The following THEMIS variants were observed in gnomAD, a reference collection of about 807,000 sequenced individuals.
THEMIS encodes protein THEMIS.
In THEMIS, 37 loss-of-function variants were observed where a neutral mutation model predicts 52.6. The observed-to-expected ratio is 0.70, with a 90% CI of 0.54 to 0.93. The LOEUF (loss-of-function observed/expected upper bound fraction) is 0.93, where lower values mean the gene tolerates loss of function less well. Among genes scored for constraint, THEMIS ranks in the 40% least tolerant of loss-of-function variants. THEMIS has a pLI of 0.00. For missense variants in THEMIS, 808 were observed against 763.1 expected, an observed-to-expected ratio of 1.06 and a Z score of -0.69; for synonymous variants, 292 against 272.7, an observed-to-expected ratio of 1.07 and a Z score of -0.70.
intron 4 of THEMIS, among the ~76,000 whole-genome samples, chr6:127,725,871 G>T (rs1774527652): frequency 6.6e-6 from 1 of 152,106 alleles, no homozygotes; most frequent in East Asian, 1.9e-4. Flanking sequence ...GCTCAAGCCT[G>T]TGTTTGGCAG....
intron 3 of THEMIS, among the ~76,000 whole-genome samples, chr6:127,818,649 G>C (rs1467686269): frequency 6.7e-6 from 1 of 148,956 alleles, no homozygotes. Flanking sequence ...GACAAATCAA[G>C]CATCAAAGCC....
intron 5 of THEMIS, among the ~76,000 whole-genome samples, chr6:127,718,667 G>GCA (rs965025915): frequency 6.6e-6 from 1 of 151,910 alleles, no homozygotes; most frequent in African/African-American, 2.4e-5. Flanking sequence ...AATTTTCACT[G>GCA]CAGTGGTTGT....
At chr6:127,902,008 G>A (rs1017433987), upstream of THEMIS, among the ~76,000 whole-genome samples, 8 of 151,944 alleles carry the variant, frequency 5.3e-5, no homozygotes, top group Non-Finnish European at 1.0e-4. Context: ...TAGTTCCTAA[G>A]TCTCTTTAAG....
At chr6:127,875,786 G>C (rs1780296384) in intron 1 of THEMIS, among the ~76,000 whole-genome samples, 1 of 152,180 alleles carries the variant, frequency 6.6e-6, no homozygotes, top group South Asian at 2.1e-4. Flanking sequence ...GACTGTTTCA[G>C]AGCTTTGGTA....
intron 4 of THEMIS, among the ~76,000 whole-genome samples, chr6:127,722,367 C>T (rs561928621): frequency 6.6e-6 from 1 of 151,916 alleles, no homozygotes; most frequent in South Asian, 2.1e-4. Flanking sequence ...CACATTATAC[C>T]CTGGCATCTC....
the THEMIS span, among the ~76,000 whole-genome samples, chr6:127,703,032 T>C: frequency 1.5e-5 from 2 of 135,708 alleles, no homozygotes; most frequent in African/African-American, 5.5e-5. Context: ...ACCTTTAGAA[T>C]GAGTTTTTTT....
the THEMIS span, among the ~76,000 whole-genome samples, chr6:127,698,480 G>A: frequency 1.3e-5 from 2 of 152,064 alleles, no homozygotes; most frequent in African/African-American, 4.8e-5. Flanking sequence ...TGTTTCAGAG[G>A]CCATATTAAA....
At chr6:127,903,012 C>T (rs566951513), upstream of THEMIS, among the ~76,000 whole-genome samples, 47 of 152,022 alleles carry the variant, frequency 3.1e-4, 1 homozygote, top group African/African-American at 4.1e-4. Flanking sequence ...TCTGCTCTCG[C>T]GACAGATGAC....
At chr6:127,781,807 C>T (rs1776753276) in intron 4 of THEMIS, among the ~76,000 whole-genome samples, 1 of 152,102 alleles carries the variant, frequency 6.6e-6, no homozygotes, top group African/African-American at 2.4e-5. Flanking sequence ...CCAGCTGGAG[C>T]TCTCCTGTAT....
At chr6:127,836,985 G>C (rs1778893221) in intron 2 of THEMIS, among the ~76,000 whole-genome samples, 2 of 152,164 alleles carry the variant, frequency 1.3e-5, no homozygotes, top group South Asian at 4.1e-4. Flanking sequence ...GACCCAGACA[G>C]TCACTTCCAG....
intron 4 of THEMIS, among the ~76,000 whole-genome samples, chr6:127,810,616 C>G (rs1289317600): frequency 2.6e-5 from 4 of 152,110 alleles, no homozygotes; most frequent in African/African-American, 7.2e-5. Context: ...GACTTTCCAG[C>G]CTCCAGAGCT....
At chr6:127,898,867 A>T (rs1170573140) in intron 1 of THEMIS, among the ~76,000 whole-genome samples, 1 of 151,928 alleles carries the variant, frequency 6.6e-6, no homozygotes, top group Non-Finnish European at 1.5e-5. Context: ...TAAGCCAGGC[A>T]CAGAAAGACA....
In THEMIS at chr6:127,813,091, C is replaced by G; in HGVS notation, c.1550G>C (p.Ser517Thr). Residue 517 changes from serine (S) to threonine (T), a missense_variant, in exon 4 of 6, where the codon AGT (serine) becomes ACT (threonine). Transcript: ENST00000368248. ...GRLNMTVQLV[S>T]NFSRDAEPFL... is the part of the protein sequence containing the mutation. Reference sequence around the variant, plus strand: ...TGGTTCTGCATCCCTAGAGAAATTACTAACTAACTGAACAGTCATATTCAA... The same window carrying G: ...TGGTTCTGCATCCCTAGAGAAATTAGTAACTAACTGAACAGTCATATTCAA... The G allele has an allele frequency of 1.9e-6, 3 of 1,614,044 alleles. No homozygotes were observed. Among genetic ancestry groups the G allele is most frequent in the Non-Finnish European group, 2.5e-6 (3 of 1,179,976 alleles).
At chr6:127,741,736 G>A (rs1318916227) in intron 4 of THEMIS, among the ~76,000 whole-genome samples, 1 of 152,184 alleles carries the variant, frequency 6.6e-6, no homozygotes, top group African/African-American at 2.4e-5. Context: ...CAATATAAGA[G>A]TAACAGCTAC....
chr6:127,841,385 G>T (rs1402017785), intron 2 of THEMIS, among the ~76,000 whole-genome samples: 1 of 151,966 alleles, frequency 6.6e-6, no homozygotes, highest in African/African-American at 2.4e-5. Flanking sequence ...TTCCCTGCTG[G>T]TACTGTTAAG....
intron 1 of THEMIS, among the ~76,000 whole-genome samples, chr6:127,877,284 A>T (rs546482359): frequency 3.3e-5 from 5 of 152,266 alleles, no homozygotes; most frequent in Admixed American, 2.0e-4. Context: ...CTTTCTTATC[A>T]TTCATATATT....
intron 2 of THEMIS, among the ~76,000 whole-genome samples, chr6:127,831,533 AT>A (rs879944444): frequency 7.2e-5 from 11 of 152,150 alleles, no homozygotes; most frequent in Non-Finnish European, 1.3e-4. Flanking sequence ...TTCCAGTGAA[AT>A]TCATCTATAT....
upstream of THEMIS, among the ~76,000 whole-genome samples, chr6:127,904,288 TG>T (rs1218075364): frequency 1.3e-5 from 2 of 151,978 alleles, no homozygotes; most frequent in South Asian, 2.1e-4. Context: ...AGAGCATGGT[TG>T]GTAGGAAGCT....
intron 1 of THEMIS, among the ~76,000 whole-genome samples, chr6:127,914,301 G>A (rs1489398983): frequency 2.0e-5 from 3 of 152,200 alleles, no homozygotes; most frequent in East Asian, 3.9e-4. Context: ...TCCTGGAAAC[G>A]CATGTCTGTG....
Sources: gnomAD v4.1 joint callset for allele counts (sites outside exome capture counted in the v4.1 genomes callset) on GRCh38, gnomAD v4.1.1 for gene constraint, MANE v1.5 for transcripts, NCBI Gene and HGNC (gene_info 2026-07-23, HGNC 2026-07-21) for gene names.